Variants in DPP10 observed in about 807,000 individuals in gnomAD.
DPP10 encodes dipeptidyl peptidase like 10, also known as inactive dipeptidyl peptidase 10.
Under a neutral mutation model 120.9 loss-of-function variants are expected in DPP10, and 33 were observed. The ratio of observed to expected loss-of-function variants is 0.27; its 90% CI spans 0.21 to 0.37. The LOEUF (loss-of-function observed/expected upper bound fraction) is 0.37, where lower values mean the gene tolerates loss of function less well. Among genes scored for constraint, DPP10 ranks in the 10% least tolerant of loss-of-function variants. The probability of loss-of-function intolerance (pLI) is 1.00; values close to 1 mark genes in which losing one functional copy is unlikely to be tolerated. For missense variants in DPP10, 816 were observed against 942.8 expected, an observed-to-expected ratio of 0.87 and a Z score of 1.76; for synonymous variants, 337 against 326.1, an observed-to-expected ratio of 1.03 and a Z score of -0.36.
At chr2:115,457,120 T>C (rs2073617843) in intron 3 of DPP10, among the ~76,000 whole-genome samples, 1 of 151,860 alleles carries the variant, frequency 6.6e-6, no homozygotes, top group Non-Finnish European at 1.5e-5. Flanking sequence ...AGCCCTTAGG[T>C]TTATGGCCAA....
chr2:115,348,575 C>A (rs1218028698), intron 3 of DPP10, among the ~76,000 whole-genome samples: 1 of 151,936 alleles, frequency 6.6e-6, no homozygotes, highest in Non-Finnish European at 1.5e-5. Flanking sequence ...TTAGCACTCT[C>A]AGGATATTCA....
chr2:115,298,128 A>G (rs2060970682), intron 1 of DPP10, among the ~76,000 whole-genome samples: 2 of 152,082 alleles, frequency 1.3e-5, no homozygotes, highest in Non-Finnish European at 2.9e-5. Flanking sequence ...AATACTTAGT[A>G]TGTGCTTTAC....
At chr2:114,681,102 T>C (rs1325351534) in intron 1 of DPP10, among the ~76,000 whole-genome samples, 4 of 151,994 alleles carry the variant, frequency 2.6e-5, no homozygotes, top group African/African-American at 9.7e-5. Flanking sequence ...GTTCTACCCC[T>C]TTTGCAAATT....
intron 4 of DPP10, among the ~76,000 whole-genome samples, chr2:115,522,729 G>A (rs1214679029): frequency 6.6e-6 from 1 of 152,026 alleles, no homozygotes; most frequent in Non-Finnish European, 1.5e-5. Context: ...GCTGAGTAAT[G>A]GCAATGAACA....
chr2:114,731,955 C>G (rs1050464712), intron 1 of DPP10, among the ~76,000 whole-genome samples: 10 of 152,122 alleles, frequency 6.6e-5, no homozygotes, highest in African/African-American at 2.4e-4. Context: ...CAATTGTTAT[C>G]TATTTTTCCC....
At chr2:115,621,912 A>T (rs1170393076) in intron 5 of DPP10, among the ~76,000 whole-genome samples, 1 of 152,086 alleles carries the variant, frequency 6.6e-6, no homozygotes, top group Non-Finnish European at 1.5e-5. Flanking sequence ...TCCTGACCTC[A>T]GGTGGTCCGC....
intron 21 of DPP10, among the ~76,000 whole-genome samples, chr2:115,825,604 CCAATT>C (rs1688228999): frequency 6.6e-6 from 1 of 152,078 alleles, no homozygotes; most frequent in African/African-American, 2.4e-5. Flanking sequence ...TTTTCAAACT[CCAATT>C]CAAACCTTTC....
chr2:114,530,842 G>A (rs1437517093), intron 1 of DPP10, among the ~76,000 whole-genome samples: 2 of 151,956 alleles, frequency 1.3e-5, no homozygotes, highest in African/African-American at 4.8e-5. Flanking sequence ...TGGATATATG[G>A]TGACAAAACA....
chr2:115,392,082 G>C (rs554750632), intron 3 of DPP10, among the ~76,000 whole-genome samples: 1 of 151,942 alleles, frequency 6.6e-6, no homozygotes, highest in African/African-American at 2.4e-5. Context: ...TGGTCATTAA[G>C]GTCCCTTTTA....
At chr2:115,072,733 G>A (rs1457012694) in intron 1 of DPP10, among the ~76,000 whole-genome samples, 2 of 152,156 alleles carry the variant, frequency 1.3e-5, no homozygotes, top group South Asian at 4.1e-4. Flanking sequence ...AGAGAGAAGG[G>A]TGCAGGGATT....
intron 5 of DPP10, among the ~76,000 whole-genome samples, chr2:115,544,604 C>G (rs902901850): frequency 3.3e-5 from 5 of 152,038 alleles, no homozygotes; most frequent in African/African-American, 1.2e-4. Context: ...AGCCTTTCCT[C>G]CCATCAAGAG....
intron 3 of DPP10, among the ~76,000 whole-genome samples, chr2:115,455,258 A>G (rs1322526363): frequency 1.3e-5 from 2 of 151,850 alleles, no homozygotes; most frequent in Non-Finnish European, 2.9e-5. Context: ...ATTGAATGCA[A>G]TTTCTATCAA....
chr2:115,040,504 A>C (rs1233792002), intron 1 of DPP10, among the ~76,000 whole-genome samples: 1 of 151,770 alleles, frequency 6.6e-6, no homozygotes, highest in Admixed American at 6.6e-5. Context: ...GAAGGACTTT[A>C]CCCACAGCTG....
At chr2:114,683,874 C>A (rs1699196094) in intron 1 of DPP10, among the ~76,000 whole-genome samples, 1 of 151,930 alleles carries the variant, frequency 6.6e-6, no homozygotes, top group Non-Finnish European at 1.5e-5. Flanking sequence ...CAAACCATCT[C>A]ACTTTCCAAA....
chr2:114,684,694 C>T (rs1316113146), intron 1 of DPP10, among the ~76,000 whole-genome samples: 1 of 151,954 alleles, frequency 6.6e-6, no homozygotes, highest in African/African-American at 2.4e-5. Context: ...ATGCTTCAGA[C>T]AAGCAGTTAC....
intron 1 of DPP10, among the ~76,000 whole-genome samples, chr2:114,443,403 G>A (rs1677767978): frequency 6.6e-6 from 1 of 152,166 alleles, no homozygotes; most frequent in African/African-American, 2.4e-5. Context: ...CCAGTGAGAT[G>A]ATTGGAGACA....
At chr2:114,504,654 A>G (rs1455987266) in intron 1 of DPP10, among the ~76,000 whole-genome samples, 1 of 152,212 alleles carries the variant, frequency 6.6e-6, no homozygotes, top group African/African-American at 2.4e-5. Context: ...GCCAGCCACT[A>G]TTCTCAACAC....
At position 115,836,001 on chromosome 2, in the gene DPP10, A is replaced by G. The variant is rs560419966; in HGVS notation, c.1951-156A>G. Among the ~76,000 whole-genome samples the G allele has an allele frequency of 8.9e-4, 136 of 152,112 alleles. 2 individuals are homozygous for G. Among genetic ancestry groups the G allele is most frequent in the Middle Eastern group, 6.8e-3 (2 of 294 alleles). On this transcript the variant is annotated intron_variant, in intron 21 of 25. Coordinates refer to ENST00000410059, the MANE Select transcript of DPP10 (RefSeq NM_020868.6). ...AAATGATTTTGGCTTTTTTCCCCCA[A>G]GCCTGAGACATTCTGATATGATGTA...
At chr2:115,272,585 A>T (rs191294068) in intron 1 of DPP10, among the ~76,000 whole-genome samples, 1 of 152,374 alleles carries the variant, frequency 6.6e-6, no homozygotes, top group African/African-American at 2.4e-5. Flanking sequence ...AAAGTTCTTC[A>T]GTACAAGTTA....
Sources: gnomAD v4.1 joint callset for allele counts (sites outside exome capture counted in the v4.1 genomes callset) on GRCh38, gnomAD v4.1.1 for gene constraint, MANE v1.5 for transcripts, NCBI Gene and HGNC (gene_info 2026-07-23, HGNC 2026-07-21) for gene names.